Variants in RAB27A observed in about 807,000 individuals in gnomAD.
RAB27A encodes ras-related protein Rab-27A.
RAB27A carries 17 observed loss-of-function variants against 20.8 expected under a neutral mutation model. The observed-to-expected ratio is 0.82, with a 90% CI of 0.56 to 1.23. The LOEUF is 1.23. Ranked by LOEUF, RAB27A falls within the 50% of genes most tolerant of loss-of-function variation. The probability of loss-of-function intolerance (pLI) is 0.00; values close to 1 mark genes in which losing one functional copy is unlikely to be tolerated. For missense variants in RAB27A, 277 were observed against 266.7 expected (o/e 1.04, Z -0.27); for synonymous variants, 85 against 92.8 (o/e 0.92, Z 0.48).
chr15:55,309,439 A>C (rs1300383835), intron 2 of RAB27A, among the ~76,000 whole-genome samples: 1 of 152,210 alleles, frequency 6.6e-6, no homozygotes, highest in Non-Finnish European at 1.5e-5. Context: ...AGGTTTCTGA[A>C]TGGGCAGCTA....
intron 1 of RAB27A, among the ~76,000 whole-genome samples, chr15:55,288,044 C>T (rs763322880): frequency 5.9e-5 from 9 of 152,088 alleles, no homozygotes; most frequent in Non-Finnish European, 1.2e-4. Flanking sequence ...TATCCACATG[C>T]AAAAAGTTGA....
At chr15:55,283,569 C>G (rs908232042) in intron 1 of RAB27A, among the ~76,000 whole-genome samples, 1 of 152,180 alleles carries the variant, frequency 6.6e-6, no homozygotes, top group East Asian at 1.9e-4. Flanking sequence ...CAGTATTTGA[C>G]TGTGAGGACA....
chr15:55,302,633 G>A (rs1217155771), intron 2 of RAB27A, among the ~76,000 whole-genome samples: 102 of 119,656 alleles, frequency 8.5e-4, no homozygotes, highest in African/African-American at 3.4e-3. Flanking sequence ...AGTGAGGAGC[G>A]CCTCTTCCCA....
chr15:55,314,177 A>C (rs1224263918), intron 1 of RAB27A: 1 of 151,126 alleles, frequency 6.6e-6, no homozygotes, highest in Non-Finnish European at 1.5e-5. Context: ...AAAAAAAAAA[A>C]AAAAATTACC....
chr15:55,287,439 G>A (rs1335038833), intron 1 of RAB27A, among the ~76,000 whole-genome samples: 4 of 152,124 alleles, frequency 2.6e-5, no homozygotes, highest in Non-Finnish European at 2.9e-5. Flanking sequence ...TAGAAATTGA[G>A]AAGCTGACTT....
chr15:55,226,922 C>T (rs1400082277), intron 5 of RAB27A, among the ~76,000 whole-genome samples: 1 of 150,356 alleles, frequency 6.7e-6, no homozygotes, highest in African/African-American at 2.4e-5. Flanking sequence ...ACTCAAAAGG[C>T]TGACAGGAAG....
At chr15:55,258,749 G>A (rs1012895196) in intron 2 of RAB27A, among the ~76,000 whole-genome samples, 3 of 152,192 alleles carry the variant, frequency 2.0e-5, no homozygotes, top group African/African-American at 7.2e-5. Flanking sequence ...ATGAGTGTGA[G>A]CATCTTTTAT....
intron 6 of RAB27A, among the ~76,000 whole-genome samples, chr15:55,210,821 A>C (rs145519350): frequency 2.0e-5 from 3 of 152,128 alleles, no homozygotes; most frequent in African/African-American, 7.2e-5. Flanking sequence ...TTGTGGTCTT[A>C]CACAAAAAGT....
At chr15:55,294,871 A>G (rs1008775615) in intron 2 of RAB27A, among the ~76,000 whole-genome samples, 42 of 152,254 alleles carry the variant, frequency 2.8e-4, no homozygotes, top group African/African-American at 9.1e-4. Flanking sequence ...ATGGTGCATA[A>G]AAGCACACTA....
At chr15:55,258,116 A>T (rs1486390480) in intron 2 of RAB27A, among the ~76,000 whole-genome samples, 1 of 151,404 alleles carries the variant, frequency 6.6e-6, no homozygotes, top group Admixed American at 6.6e-5. Flanking sequence ...GAGTTGTAGT[A>T]TCACTTTCCT....
At chr15:55,300,561 C>T (rs558584039) in intron 2 of RAB27A, among the ~76,000 whole-genome samples, 28 of 152,232 alleles carry the variant, frequency 1.8e-4, no homozygotes, top group South Asian at 4.2e-4. Flanking sequence ...TGCCTGTAAT[C>T]CCAGCTACTC....
At chr15:55,205,766 C>T in intron 6 of RAB27A, 61 bp from the exon 7 acceptor site, 1 of 1,392,922 alleles carries the variant, frequency 7.2e-7, no homozygotes, top group Non-Finnish European at 1.0e-6. Flanking sequence ...GACCTTTGCT[C>T]TTGATAATTC....
Position 55,261,709 on chromosome 15 carries a change from CAAAAAAAAAAA to C in RAB27A, c.-23+8445_-23+8455del, listed in dbSNP as rs768256540. Among the ~76,000 whole-genome samples, 13 of 18,658 alleles carry C rather than the reference CAAAAAAAAAAA, an allele frequency of 7.0e-4. No homozygotes were observed. In the East Asian group the frequency reaches 0.015, roughly 21 times the overall value. 12.2% of individuals were successfully genotyped at this position (18,658 alleles called of 152,430 possible). ...TGAGCCGAGATCACTCACTGCATCT[CAAAAAAAAAAA>C]AAAAAAAAAAAAAAAGCATCTTTTT... On this transcript the variant is annotated intron_variant, in intron 2 of 6. Coordinates refer to ENST00000336787, the MANE Select transcript of RAB27A (RefSeq NM_183235.3).
Position 55,234,865 on chromosome 15 carries a change from T to A in RAB27A, c.70A>T (p.Ser24Cys). 2 of 1,611,792 alleles carry A rather than the reference T, an allele frequency of 1.2e-6. No individual in the cohort carries two copies. Among genetic ancestry groups the A allele is most frequent in the Non-Finnish European group, 1.7e-6 (2 of 1,178,202 alleles). Residue 24 changes from serine (S) to cysteine (C), a missense_variant, in exon 3 of 7, where the codon AGT becomes TGT. Coordinates refer to ENST00000336787, the MANE Select transcript of RAB27A (RefSeq NM_183235.3). ...CCATCTGTATATTGGTAAAGTACAC[T>A]GGTCTTCCCTACACCAGAGTCTCCC... is the stretch of plus-strand genomic sequence containing the variant. ...ALGDSGVGKT[S>C]VLYQYTDGKF...
At chr15:55,272,820 G>A (rs913363112) in intron 1 of RAB27A, among the ~76,000 whole-genome samples, 20 of 152,222 alleles carry the variant, frequency 1.3e-4, no homozygotes, top group Middle Eastern at 3.4e-3. Flanking sequence ...AGCAGACCTC[G>A]GAAAGCTGAC....
At chr15:55,220,689 C>T (rs896264244) in intron 6 of RAB27A, among the ~76,000 whole-genome samples, 1 of 152,188 alleles carries the variant, frequency 6.6e-6, no homozygotes, top group Non-Finnish European at 1.5e-5. Flanking sequence ...ATCCTGTTTT[C>T]TGACTGTTAG....
intron 2 of RAB27A, among the ~76,000 whole-genome samples, chr15:55,303,891 G>A (rs1352262847): frequency 3.6e-5 from 5 of 140,274 alleles, no homozygotes; most frequent in African/African-American, 1.1e-4. Flanking sequence ...GGTGAGGGGC[G>A]CCTCTGCCCG....
At chr15:55,282,752 C>A (rs1898049040) in intron 1 of RAB27A, among the ~76,000 whole-genome samples, 1 of 152,070 alleles carries the variant, frequency 6.6e-6, no homozygotes, top group Non-Finnish European at 1.5e-5. Flanking sequence ...GCACTGAAGA[C>A]CAGCCTCTCA....
intron 1 of RAB27A, among the ~76,000 whole-genome samples, chr15:55,274,829 T>TATATATATATAG (rs1244330728): frequency 5.8e-5 from 8 of 139,008 alleles, no homozygotes; most frequent in South Asian, 2.3e-4. Flanking sequence ...TATATATGTA[T>TATATATATATAG]AGAGAGAGAC....
Sources: allele counts gnomAD v4.1 joint callset (sites outside exome capture counted in the v4.1 genomes callset), GRCh38; gene constraint gnomAD v4.1.1; transcripts MANE v1.5; gene names NCBI Gene and HGNC (gene_info 2026-07-23, HGNC 2026-07-21).